Variants in RSPO4 observed in about 807,000 individuals in gnomAD.
RSPO4 encodes R-spondin 4.
A neutral mutation model predicts 24.8 loss-of-function variants in RSPO4; 23 were observed. The observed-to-expected ratio is 0.93, with a 90% confidence interval of 0.67 to 1.31. The LOEUF is 1.31. RSPO4 is among the 40% of genes most tolerant of loss of function. The probability of loss-of-function intolerance (pLI) is 0.00; values close to 1 mark genes in which losing one functional copy is unlikely to be tolerated. For missense variants in RSPO4, 333 were observed against 316.5 expected (o/e 1.05, Z -0.39); for synonymous variants, 141 against 127.4 (o/e 1.11, Z -0.72).
At chr20:983,956 T>C (rs1568923736) in intron 1 of RSPO4, among the ~76,000 whole-genome samples, 1 of 152,162 alleles carries the variant, frequency 6.6e-6, no homozygotes, top group Non-Finnish European at 1.5e-5. Flanking sequence ...AGATAGTTAT[T>C]ATTATTTTAA....
intron 1 of RSPO4, among the ~76,000 whole-genome samples, chr20:977,696 T>A (rs772389840): frequency 1.8e-4 from 27 of 152,062 alleles, no homozygotes; most frequent in Non-Finnish European, 3.5e-4. Context: ...CATGGTGAAC[T>A]AAGGATTTAA....
chr20:985,246 C>T (rs1187011491), intron 1 of RSPO4, among the ~76,000 whole-genome samples: 5 of 138,104 alleles, frequency 3.6e-5, no homozygotes, highest in African/African-American at 1.6e-4. Context: ...TCCATCCACT[C>T]ACCCACCCAT....
intron 1 of RSPO4, among the ~76,000 whole-genome samples, chr20:993,310 T>C (rs1449139280): frequency 6.6e-6 from 1 of 152,208 alleles, no homozygotes. Context: ...CGGCCCAGCA[T>C]GGGACAGCAG....
At chr20:960,559 C>T in intron 4 of RSPO4, 93 bp from the exon 5 acceptor site, 2 of 899,300 alleles carry the variant, frequency 2.2e-6, no homozygotes, top group Non-Finnish European at 3.5e-6. Context: ...GGTGCCCCAC[C>T]CACTCCCCAA....
intron 1 of RSPO4, among the ~76,000 whole-genome samples, chr20:994,088 A>G (rs1985196650): frequency 6.6e-6 from 1 of 152,236 alleles, no homozygotes; most frequent in Non-Finnish European, 1.5e-5. Context: ...CAGTGTCTGA[A>G]ATTGTTACAT....
chr20:960,545 C>T, intron 4 of RSPO4, 79 bp from the exon 5 acceptor site: 1 of 1,050,332 alleles, frequency 9.5e-7, no homozygotes. Flanking sequence ...TCCTGAAAGA[C>T]AAGGGTGCCC....
chr20:968,041 G>C lies in RSPO4; in HGVS notation c.177C>G (p.Arg59=). Residue 59 remains arginine, a synonymous_variant, in exon 2 of 5, where the codon CGC becomes CGG. Coordinates refer to ENST00000217260, the MANE Select transcript of RSPO4 (RefSeq NM_001029871.4). ...TGCCGTACTGGCGGATGCCTTCCCG[G>C]CGGATGAACAGGAAGAGCCTCTGCT... ...TCQQRLFLFI[R]REGIRQYGKC... is the part of the protein sequence containing the mutation. 1 of 1,614,234 alleles carries C rather than the reference G, an allele frequency of 6.2e-7. No individual in the cohort carries two copies. Among genetic ancestry groups the C allele is most frequent in the South Asian group, 1.1e-5 (1 of 91,090 alleles).
chr20:968,258 A>G, intron 1 of RSPO4, 120 bp from the exon 2 acceptor site: 1 of 825,990 alleles, frequency 1.2e-6, no homozygotes, highest in Non-Finnish European at 2.0e-6. Context: ...CACCCAAACA[A>G]AAGACTACAT....
intron 4 of RSPO4, among the ~76,000 whole-genome samples, chr20:961,777 C>A (rs1600086684): frequency 6.6e-6 from 1 of 152,000 alleles, no homozygotes; most frequent in Admixed American, 6.6e-5. Context: ...ATCCAGTCAC[C>A]CACCCATCCC....
intron 1 of RSPO4, among the ~76,000 whole-genome samples, chr20:996,468 C>T (rs1985293957): frequency 6.6e-6 from 1 of 152,206 alleles, no homozygotes; most frequent in Non-Finnish European, 1.5e-5. Context: ...GAGACCACCA[C>T]CACCAGCCTG....
intron 1 of RSPO4, among the ~76,000 whole-genome samples, chr20:977,719 G>A (rs1168038508): frequency 6.6e-6 from 1 of 152,104 alleles, no homozygotes; most frequent in East Asian, 1.9e-4. Context: ...CAGCTGTCCT[G>A]GAGGACTCCC....
intron 1 of RSPO4, among the ~76,000 whole-genome samples, chr20:985,127 C>T (rs550074082): frequency 0.021 from 3,070 of 143,126 alleles, 61 homozygotes; most frequent in Middle Eastern, 0.031. Flanking sequence ...ATCCACCCAC[C>T]CACTCATCTA....
chr20:982,585 G>A (rs866153189), intron 1 of RSPO4, among the ~76,000 whole-genome samples: 2 of 152,170 alleles, frequency 1.3e-5, no homozygotes, highest in South Asian at 2.1e-4. Context: ...AGTACTTGCC[G>A]AATGTCTCCT....
chr20:963,817 G>T, intron 4 of RSPO4, 118 bp downstream of exon 4: 1 of 1,017,960 alleles, frequency 9.8e-7, no homozygotes, highest in Non-Finnish European at 1.5e-6. Flanking sequence ...TGATAGTATG[G>T]CTAATGGTGG....
chr20:962,258 C>T (rs887792863), intron 4 of RSPO4, among the ~76,000 whole-genome samples: 56 of 152,076 alleles, frequency 3.7e-4, no homozygotes, highest in South Asian at 2.1e-4. Flanking sequence ...AAAATGACTC[C>T]GGGGAGGGGG....
intron 3 of RSPO4, among the ~76,000 whole-genome samples, chr20:965,876 G>A (rs1221196077): frequency 1.3e-5 from 2 of 152,200 alleles, no homozygotes; most frequent in Non-Finnish European, 2.9e-5. Context: ...CCAGCACCTA[G>A]GAAAGTGCCT....
chr20:969,565 A>G (rs1319396812), intron 1 of RSPO4, among the ~76,000 whole-genome samples: 1 of 152,172 alleles, frequency 6.6e-6, no homozygotes, highest in Admixed American at 6.5e-5. Flanking sequence ...AGAAGGGCAG[A>G]GCTGAGGGGA....
chr20:959,116 T>G lies in RSPO4; in HGVS notation c.*1241A>C. 1 of 99,118 alleles carries G rather than the reference T, an allele frequency of 1.0e-5. No individual in the cohort carries two copies. Among genetic ancestry groups the G allele is most frequent in the East Asian group, 3.0e-4 (1 of 3,310 alleles). The allele number at this position is 99,118 out of a possible 1,614,324, so 6.1% of individuals were successfully genotyped here. On this transcript the variant is annotated 3_prime_UTR_variant, in exon 5 of 5. Coordinates refer to ENST00000217260, the MANE Select transcript of RSPO4 (RefSeq NM_001029871.4). The stretch of plus-strand genomic sequence containing the variant: ...TGGTGGGTGTGGGGGAGTGTGGTGG[T>G]GGGTGTGGGGCAGTGTGGTGGTGGG...
chr20:982,218 T>C (rs958962812), intron 1 of RSPO4, among the ~76,000 whole-genome samples: 3 of 152,178 alleles, frequency 2.0e-5, no homozygotes, highest in Non-Finnish European at 4.4e-5. Context: ...AGTGCCCTGT[T>C]AGCCAGGAAC....
Sources: allele counts gnomAD v4.1 joint callset (sites outside exome capture counted in the v4.1 genomes callset), GRCh38; gene constraint gnomAD v4.1.1; transcripts MANE v1.5; gene names NCBI Gene and HGNC (gene_info 2026-07-23, HGNC 2026-07-21).